Variants in KIAA1549 observed in about 807,000 individuals in gnomAD.
KIAA1549 encodes KIAA1549.
A neutral mutation model predicts 156.4 loss-of-function variants in KIAA1549; 70 were observed. The observed-to-expected ratio is 0.45, with a 90% confidence interval of 0.37 to 0.55. KIAA1549 has a LOEUF of 0.55. Ranked by LOEUF, KIAA1549 falls within the 20% of genes least tolerant of loss-of-function variation. The pLI, the probability that KIAA1549 is intolerant of heterozygous loss-of-function variation, is 0.00. For missense variants in KIAA1549, 2,428 were observed against 2,540.9 expected (o/e 0.96, Z 0.96); for synonymous variants, 1,103 against 1,066.4 (o/e 1.03, Z -0.67).
intron 10 of KIAA1549, among the ~76,000 whole-genome samples, chr7:138,886,531 C>G (rs928732416): frequency 1.3e-5 from 2 of 152,192 alleles, no homozygotes; most frequent in African/African-American, 4.8e-5. Context: ...CCTGCCTCAG[C>G]TTCCCAAAGC....
rs1284923003 is a variant in KIAA1549, at chr7:138,981,387, G to A, written c.-118C>T. On this transcript the variant is annotated 5_prime_UTR_variant, in exon 1 of 20. Transcript: ENST00000422774. This position sits in a 1 kb window ranked among gnomAD's most constrained non-coding sequence, Gnocchi z 4.5. ...CGCACCGGCGCGGAGGGAGGCCGGA[G>A]AGGCGGGGGCGGGCCGGGCCGGAAC... 7 of 280,966 alleles carry A rather than the reference G, an allele frequency of 2.5e-5. No individual in the cohort carries two copies. The highest frequency in any genetic ancestry group is 3.7e-5 in the Non-Finnish European group (7 of 189,136). 17.4% of individuals were successfully genotyped at this position (280,966 alleles called of 1,614,324 possible).
chr7:138,973,310 G>C lies in KIAA1549; in HGVS notation c.187+7773C>G, dbSNP rs1019222806. Among the ~76,000 whole-genome samples the C allele has an allele frequency of 2.6e-5, 4 of 152,212 alleles. No homozygotes were observed. The East Asian group carries it at 7.7e-4, about 29-fold the overall frequency. On this transcript the variant is annotated intron_variant, in intron 1 of 19. Coordinates refer to ENST00000422774, the MANE Select transcript of KIAA1549 (RefSeq NM_001164665.2). ...AAATACAAATCCTCAGGCATCACCT[G>C]TTTCAGTAGAGCTGGCTTGACCATG...
At chr7:138,903,164 C>T (rs1176191049) in intron 8 of KIAA1549, among the ~76,000 whole-genome samples, 2 of 152,272 alleles carry the variant, frequency 1.3e-5, no homozygotes, top group Non-Finnish European at 2.9e-5. Flanking sequence ...GAGGGCAGCA[C>T]GTCTCCCTCT....
At chr7:138,955,830 A>C (rs897450520) in intron 1 of KIAA1549, among the ~76,000 whole-genome samples, 1 of 152,186 alleles carries the variant, frequency 6.6e-6, no homozygotes, top group Admixed American at 6.5e-5. Context: ...TCAGAGACAA[A>C]CTTTTTTTAT....
At chr7:138,933,178 C>G (rs1027401589) in intron 1 of KIAA1549, among the ~76,000 whole-genome samples, 1 of 152,200 alleles carries the variant, frequency 6.6e-6, no homozygotes, top group African/African-American at 2.4e-5. Flanking sequence ...AGCAGTTTCA[C>G]TGCATGAGGC....
chr7:138,961,334 T>A (rs1813838922), intron 1 of KIAA1549, among the ~76,000 whole-genome samples: 1 of 152,164 alleles, frequency 6.6e-6, no homozygotes, highest in Admixed American at 6.5e-5. Context: ...TTTTGAAAGC[T>A]ACTGGGGGAA....
intron 10 of KIAA1549, among the ~76,000 whole-genome samples, chr7:138,885,527 T>C (rs1272132676): frequency 1.3e-5 from 2 of 152,190 alleles, no homozygotes; most frequent in Middle Eastern, 3.2e-3. Context: ...TTTCTTTACC[T>C]GCAGCTGTCT....
intron 10 of KIAA1549, among the ~76,000 whole-genome samples, chr7:138,883,165 C>T (rs1470086870): frequency 1.4e-5 from 2 of 144,538 alleles, no homozygotes; most frequent in African/African-American, 2.6e-5. Flanking sequence ...CCCAGCTACT[C>T]GGGAGGGTGA....
chr7:138,862,929 T>G (rs1810630374), intron 15 of KIAA1549, among the ~76,000 whole-genome samples: 1 of 151,936 alleles, frequency 6.6e-6, no homozygotes, highest in Non-Finnish European at 1.5e-5. Context: ...AAACTCTATC[T>G]CAAAAGAAAA....
chr7:138,917,057 AG>A lies in KIAA1549; in HGVS notation c.2568del (p.Phe857SerfsTer7), dbSNP rs1812346717. 4 of 1,608,010 alleles carry A rather than the reference AG, an allele frequency of 2.5e-6. No homozygotes were observed. The highest frequency in any genetic ancestry group is 3.4e-6 in the Non-Finnish European group (4 of 1,177,332). On this transcript the variant is annotated frameshift_variant, in exon 2 of 20. Coordinates refer to ENST00000422774, the MANE Select transcript of KIAA1549 (RefSeq NM_001164665.2). LOFTEE classifies it high-confidence loss of function. Reference sequence around the variant, plus strand: ...ACGGTCAGCTCTGTGGGCAGAGGGAAGGGGGTTGCTTCAGAAACAAACGAGG... The same window carrying A: ...ACGGTCAGCTCTGTGGGCAGAGGGAAGGGGTTGCTTCAGAAACAAACGAGG... The part of the protein sequence containing the change: ...SGSSFVSEAT[P>X]FPLPTELTVV...
At chr7:138,869,483 C>T (rs1810856035) in intron 14 of KIAA1549, 55 bp downstream of exon 14, 4 of 1,381,396 alleles carry the variant, frequency 2.9e-6, no homozygotes, top group African/African-American at 2.9e-5. Flanking sequence ...CTCCTGTGCC[C>T]CCCGCAGCAC....
rs558511713 is a variant in KIAA1549, at chr7:138,930,776, C to A, written c.188-11338G>T. Among the ~76,000 whole-genome samples the A allele has an allele frequency of 9.4e-4, 143 of 152,340 alleles. 5 individuals carry two copies. In the South Asian group the frequency reaches 0.028, roughly 29 times the overall value. ...ATCAGCAACAAGGCTGTTTTGCTTT[C>A]TTATTATTCATGTGTTCGTTGTGGT... On this transcript the variant is annotated intron_variant, in intron 1 of 19. Coordinates refer to ENST00000422774, the MANE Select transcript of KIAA1549 (RefSeq NM_001164665.2).
At chr7:138,863,515 T>C (rs1810648943) in intron 15 of KIAA1549, among the ~76,000 whole-genome samples, 1 of 152,176 alleles carries the variant, frequency 6.6e-6, no homozygotes. Flanking sequence ...ACAAAACTAG[T>C]AACCCCACAG....
At chr7:138,962,948 C>T (rs1813897663) in intron 1 of KIAA1549, among the ~76,000 whole-genome samples, 2 of 152,248 alleles carry the variant, frequency 1.3e-5, no homozygotes, top group African/African-American at 2.4e-5. Flanking sequence ...TGTATCACCA[C>T]CGCAGTCCTC....
chr7:138,946,164 C>A (rs1311253222), intron 1 of KIAA1549, among the ~76,000 whole-genome samples: 1 of 152,070 alleles, frequency 6.6e-6, no homozygotes, highest in Non-Finnish European at 1.5e-5. Context: ...AATATGAAGT[C>A]GCATAATATA....
At chr7:138,956,949 A>C (rs1320219100) in intron 1 of KIAA1549, among the ~76,000 whole-genome samples, 2 of 151,302 alleles carry the variant, frequency 1.3e-5, no homozygotes, top group Non-Finnish European at 2.9e-5. Flanking sequence ...GTCCTCAAAA[A>C]ACTAGTTAGG....
intron 1 of KIAA1549, among the ~76,000 whole-genome samples, chr7:138,973,917 C>T (rs512955): frequency 1 from 151,970 of 152,384 alleles, 75,781 homozygotes; most frequent in East Asian, 1. Flanking sequence ...GTGCTAGGAA[C>T]ACAGGCGTGA....
intron 14 of KIAA1549, among the ~76,000 whole-genome samples, chr7:138,869,054 A>G (rs1810840718): frequency 6.6e-6 from 1 of 152,202 alleles, no homozygotes; most frequent in South Asian, 2.1e-4. Context: ...AGGGGAAGGT[A>G]AGACCCCAGA....
chr7:138,919,425 C>G lies in KIAA1549; in HGVS notation c.201G>C (p.Pro67=), dbSNP rs533338378. ...PASCAPDELS[P]EQHNLSLYSM... Reference sequence around the variant, plus strand: ...AGTATAAAGAAAGGTTGTGCTGTTCCGGAGAGAGCTCATCTATCAAGAAAA... The same window carrying G: ...AGTATAAAGAAAGGTTGTGCTGTTCGGGAGAGAGCTCATCTATCAAGAAAA... The change falls in exon 2 of 20, where the codon CCG becomes CCC. Residue 67 remains proline (P), a synonymous_variant. Coordinates refer to ENST00000422774, the MANE Select transcript of KIAA1549 (RefSeq NM_001164665.2). The G allele has an allele frequency of 6.2e-7, 1 of 1,613,190 alleles. No individual in the cohort carries two copies. Among genetic ancestry groups the G allele is most frequent in the South Asian group, 1.1e-5 (1 of 90,934 alleles).
Sources: gnomAD v4.1 joint callset for allele counts (sites outside exome capture counted in the v4.1 genomes callset) on GRCh38, gnomAD v4.1.1 for gene constraint, Gnocchi (gnomAD v3.1) non-coding constraint, MANE v1.5 for transcripts, NCBI Gene and HGNC (gene_info 2026-07-23, HGNC 2026-07-21) for gene names.